The following PIBF1 variants were observed in gnomAD, a reference collection of about 807,000 sequenced individuals.
The protein encoded by PIBF1 is progesterone immunomodulatory binding factor 1.
Under a neutral mutation model 112.5 loss-of-function variants are expected in PIBF1, and 90 were observed. The ratio of observed to expected loss-of-function variants is 0.80; its 90% confidence interval spans 0.67 to 0.95. The LOEUF (loss-of-function observed/expected upper bound fraction) is 0.95, where lower values mean the gene tolerates loss of function less well. Ranked by LOEUF, PIBF1 falls within the 40% of genes least tolerant of loss-of-function variation. PIBF1 has a pLI of 0.00. For missense variants in PIBF1, 915 were observed against 852.3 expected (o/e 1.07, Z -0.92); for synonymous variants, 301 against 288.6 (o/e 1.04, Z -0.44).
intron 8 of PIBF1, among the ~76,000 whole-genome samples, chr13:72,833,547 G>A (rs994378835): frequency 1.3e-5 from 2 of 152,244 alleles, no homozygotes; most frequent in East Asian, 1.9e-4. Context: ...GTCCCCTCCC[G>A]ACCCTGTTTG....
chr13:72,918,097 T>C (rs1350707557), intron 13 of PIBF1, among the ~76,000 whole-genome samples: 2 of 152,148 alleles, frequency 1.3e-5, no homozygotes, highest in African/African-American at 4.8e-5. Context: ...CACGAAAATT[T>C]ATCCTGCTTT....
intron 9 of PIBF1, among the ~76,000 whole-genome samples, chr13:72,848,756 C>T (rs1227882061): frequency 2.0e-5 from 3 of 151,270 alleles, no homozygotes; most frequent in South Asian, 2.1e-4. Flanking sequence ...GGCATGAACC[C>T]GGGAAGCGGA....
intron 9 of PIBF1, among the ~76,000 whole-genome samples, chr13:72,853,673 T>C (rs1414639091): frequency 6.6e-6 from 1 of 152,240 alleles, no homozygotes; most frequent in Non-Finnish European, 1.5e-5. Flanking sequence ...TTCTCCACAA[T>C]ATATCTTTCA....
At chr13:72,792,802 A>G (rs1022023066) in intron 3 of PIBF1, among the ~76,000 whole-genome samples, 2 of 152,170 alleles carry the variant, frequency 1.3e-5, no homozygotes, top group Non-Finnish European at 2.9e-5. Flanking sequence ...AGCTCTCTAA[A>G]CTGACCACCA....
rs770791332 is a variant in PIBF1, at chr13:72,792,552, GAA to G, written c.353+8_353+9del. ...TTTTCAACAGAAAGATGCCAGGTAA[GAA>G]AAGTTTTTTTTAAAAAAAAAACAAC... is the stretch of plus-strand genomic sequence containing the variant. On this transcript the variant is annotated splice_donor_region_variant and intron_variant, in intron 3 of 17. Transcript: ENST00000326291. The G allele has an allele frequency of 1.4e-6, 2 of 1,420,618 alleles. No individual in the cohort carries two copies. Among genetic ancestry groups the G allele is most frequent in the South Asian group, 2.7e-5 (2 of 75,054 alleles). 88.0% of individuals were successfully genotyped at this position (1,420,618 alleles called of 1,614,324 possible). A position where few individuals can be genotyped will look rare whatever the true frequency, so the allele number is the denominator to read the frequency against.
At chr13:72,811,365 G>C (rs145925298) in intron 5 of PIBF1, among the ~76,000 whole-genome samples, 1 of 152,120 alleles carries the variant, frequency 6.6e-6, no homozygotes, top group African/African-American at 2.4e-5. Context: ...CACTCTGGGA[G>C]CCCAATGTGG....
intron 10 of PIBF1, among the ~76,000 whole-genome samples, chr13:72,863,251 G>T (rs1480324476): frequency 3.3e-5 from 5 of 152,064 alleles, no homozygotes; most frequent in Admixed American, 3.3e-4. Flanking sequence ...ATGGAAGAAG[G>T]CTACACCCAT....
rs1224594579 is a variant in PIBF1, at chr13:72,892,804, A to ACACACACG, written c.1323-975_1323-974insACGCACAC. On this transcript the variant is annotated intron_variant, in intron 10 of 17. Transcript: ENST00000326291. Reference sequence around the variant, plus strand: ...CTGCCTTACACACACACACACACACACACACGCACACGCACACACACCCCT... The same window carrying ACACACACG: ...CTGCCTTACACACACACACACACACACACACACGCACACGCACACGCACACACACCCCT... Among the ~76,000 whole-genome samples the ACACACACG allele has an allele frequency of 8.0e-4, 119 of 149,474 alleles. 1 individual carries two copies. Among genetic ancestry groups the ACACACACG allele is most frequent in the African/African-American group, 2.3e-3 (95 of 40,972 alleles).
At chr13:72,952,868 C>T (rs2042339635) in intron 14 of PIBF1, among the ~76,000 whole-genome samples, 1 of 143,208 alleles carries the variant, frequency 7.0e-6, no homozygotes, top group Non-Finnish European at 1.5e-5. Context: ...TTCTCTCATT[C>T]CCTAGTGATG....
chr13:72,952,181 A>G (rs2042318471), intron 14 of PIBF1, among the ~76,000 whole-genome samples: 2 of 151,244 alleles, frequency 1.3e-5, no homozygotes, highest in South Asian at 2.1e-4. Flanking sequence ...AGTCTCCCAA[A>G]TGGCTGGGAT....
intron 11 of PIBF1, among the ~76,000 whole-genome samples, chr13:72,903,684 A>G (rs1015323060): frequency 6.6e-6 from 1 of 152,200 alleles, no homozygotes; most frequent in Non-Finnish European, 1.5e-5. Flanking sequence ...TAACCAGAGC[A>G]TACACATCCT....
At chr13:72,817,849 A>G (rs963697048) in intron 5 of PIBF1, among the ~76,000 whole-genome samples, 2 of 152,168 alleles carry the variant, frequency 1.3e-5, no homozygotes, top group Non-Finnish European at 2.9e-5. Flanking sequence ...TCCTGTTTCC[A>G]ATGCTATGGC....
chr13:73,003,124 G>T (rs907227125), intron 17 of PIBF1, among the ~76,000 whole-genome samples: 2 of 150,496 alleles, frequency 1.3e-5, no homozygotes, highest in Admixed American at 6.7e-5. Flanking sequence ...ACTTACATTT[G>T]TTATCTCATT....
intron 12 of PIBF1, among the ~76,000 whole-genome samples, chr13:72,912,897 T>G (rs1404244976): frequency 1.3e-5 from 2 of 151,452 alleles, no homozygotes; most frequent in African/African-American, 4.9e-5. Context: ...TTATACTATA[T>G]GATTATAGTA....
At chr13:72,886,267 A>G (rs567203718) in intron 10 of PIBF1, among the ~76,000 whole-genome samples, 1 of 138,374 alleles carries the variant, frequency 7.2e-6, no homozygotes, top group East Asian at 2.2e-4. Flanking sequence ...CAACACTGAG[A>G]TATACGTTAA....
Position 72,917,109 on chromosome 13 carries a change from T to G in PIBF1, c.1673T>G (p.Phe558Cys). ...GAAGATGAGGCTGAAAGGGTTCTTT[T>G]TTCCTACGGCTATGGTGCTAATGTT... The part of the protein sequence containing the change: ...ENEDEAERVL[F>C]SYGYGANVPT... The change falls in exon 13 of 18, where the codon TTT (phenylalanine) becomes TGT (cysteine). Residue 558 changes from phenylalanine to cysteine, a missense_variant. Physicochemically the swap from Phe to Cys is radical, Grantham distance 205. Coordinates refer to ENST00000326291, the MANE Select transcript of PIBF1 (RefSeq NM_006346.4). The G allele has an allele frequency of 6.3e-7, 1 of 1,598,770 alleles. No homozygotes were observed. Among genetic ancestry groups the G allele is most frequent in the Non-Finnish European group, 8.5e-7 (1 of 1,172,390 alleles).
intron 14 of PIBF1, among the ~76,000 whole-genome samples, chr13:72,932,023 C>T (rs1162559345): frequency 6.7e-6 from 1 of 149,102 alleles, no homozygotes; most frequent in Admixed American, 6.7e-5. Flanking sequence ...TTCATTGCAA[C>T]CTCTGCCTCC....
At chr13:73,007,619 G>C (rs1454551458) in intron 17 of PIBF1, among the ~76,000 whole-genome samples, 9 of 152,116 alleles carry the variant, frequency 5.9e-5, no homozygotes, top group Non-Finnish European at 1.0e-4. Flanking sequence ...AGACCAGCCT[G>C]ACCAACATGG....
In PIBF1 at chr13:72,908,545, A is replaced by AT; in HGVS notation, c.1507dup (p.Tyr503LeufsTer2). 6.2e-6 allele frequency: 10 copies of AT among 1,604,118 alleles called. No individual in the cohort carries two copies. The highest frequency in any genetic ancestry group is 8.5e-6 in the Non-Finnish European group (10 of 1,176,360). On this transcript the variant is annotated frameshift_variant, in exon 12 of 18. Coordinates refer to ENST00000326291, the MANE Select transcript of PIBF1 (RefSeq NM_006346.4). LOFTEE classifies it high-confidence loss of function. The stretch of plus-strand genomic sequence containing the variant: ...TTCACTATTAGGTTTTAACCAAAGA[A>AT]TTTTATAGTCTCCAAGCCTCTTCTG...
Sources: allele counts gnomAD v4.1 joint callset (sites outside exome capture counted in the v4.1 genomes callset), GRCh38; gene constraint gnomAD v4.1.1; transcripts MANE v1.5; gene names NCBI Gene and HGNC (gene_info 2026-07-23, HGNC 2026-07-21).